The following NRG3 variants were observed in gnomAD, a reference collection of about 807,000 sequenced individuals.
NRG3 encodes neuregulin 3, also known as pro-neuregulin-3, membrane-bound isoform.
In NRG3, 31 loss-of-function variants were observed where a neutral mutation model predicts 66.9. That is an observed-to-expected ratio of 0.46 (90% CI 0.35 to 0.63). The LOEUF (loss-of-function observed/expected upper bound fraction) is 0.63. Ranked by LOEUF, NRG3 falls within the 20% of genes least tolerant of loss-of-function variation. The pLI is 0.00. For missense variants in NRG3, 910 were observed against 878.9 expected (o/e 1.04, Z -0.45); for synonymous variants, 393 against 359.4 (o/e 1.09, Z -1.06).
At chr10:82,091,798 G>A (rs771372440) in intron 1 of NRG3, among the ~76,000 whole-genome samples, 1 of 152,078 alleles carries the variant, frequency 6.6e-6, no homozygotes, top group Non-Finnish European at 1.5e-5. Flanking sequence ...ATTTCTCCAC[G>A]TTCTCACCGA....
chr10:82,986,580 A>G lies in NRG3; in HGVS notation c.*975A>G, dbSNP rs1385773844. The stretch of plus-strand genomic sequence containing the variant: ...CTTTAAATTTTTCCATTAAGTATAA[A>G]GTTCAGTTAGTTCTTAAATCAAGGT... On this transcript the variant is annotated 3_prime_UTR_variant, in exon 9 of 9. Transcript: ENST00000372141. 1 of 152,314 alleles carries G rather than the reference A, an allele frequency of 6.6e-6. No individual in the cohort carries two copies. The highest frequency in any genetic ancestry group is 1.9e-4 in the East Asian group (1 of 5,166). 9.4% of individuals were successfully genotyped at this position (152,314 alleles called of 1,614,324 possible). A position where few individuals can be genotyped will look rare whatever the true frequency, so the allele number is the denominator to read the frequency against.
intron 2 of NRG3, among the ~76,000 whole-genome samples, chr10:82,668,027 A>G (rs2052939498): frequency 6.6e-6 from 1 of 152,168 alleles, no homozygotes; most frequent in South Asian, 2.1e-4. Context: ...CAGTTTTTCA[A>G]TATCAAGGAA....
intron 1 of NRG3, among the ~76,000 whole-genome samples, chr10:82,314,666 C>T (rs1285179934): frequency 2.0e-5 from 3 of 151,868 alleles, no homozygotes; most frequent in African/African-American, 4.8e-5. Context: ...AAAAATTAGC[C>T]GGGCATGGTG....
At chr10:82,422,267 A>T (rs972619741) in intron 2 of NRG3, among the ~76,000 whole-genome samples, 6 of 152,052 alleles carry the variant, frequency 3.9e-5, no homozygotes, top group Non-Finnish European at 7.4e-5. Flanking sequence ...GAAAATGTAG[A>T]GAAAACAGAG....
chr10:82,403,697 A>T (rs1253051652), intron 2 of NRG3, among the ~76,000 whole-genome samples: 1 of 152,200 alleles, frequency 6.6e-6, no homozygotes, highest in East Asian at 1.9e-4. Context: ...AACACTTAAG[A>T]GGGTGCAGAA....
chr10:82,913,238 A>G (rs1220211454), intron 4 of NRG3, among the ~76,000 whole-genome samples: 1 of 152,186 alleles, frequency 6.6e-6, no homozygotes, highest in Admixed American at 6.5e-5. Flanking sequence ...AAAAAAAGAA[A>G]AAAAGTACTT....
intron 1 of NRG3, among the ~76,000 whole-genome samples, chr10:82,333,580 T>G (rs1456657744): frequency 6.6e-6 from 1 of 152,214 alleles, no homozygotes; most frequent in East Asian, 1.9e-4. Context: ...ACTGTATCCA[T>G]AGCTAAAGTT....
intron 1 of NRG3, among the ~76,000 whole-genome samples, chr10:82,155,154 T>C (rs1457787435): frequency 1.3e-5 from 2 of 151,880 alleles, no homozygotes; most frequent in East Asian, 1.9e-4. Flanking sequence ...AACACACAGA[T>C]ATAAATGTTT....
At chr10:82,864,858 T>C (rs1840553092) in intron 3 of NRG3, among the ~76,000 whole-genome samples, 2 of 152,194 alleles carry the variant, frequency 1.3e-5, no homozygotes. Flanking sequence ...GTAAGAGTTT[T>C]AATCTCACTG....
At chr10:82,911,771 T>C (rs1341369083) in intron 4 of NRG3, among the ~76,000 whole-genome samples, 1 of 151,750 alleles carries the variant, frequency 6.6e-6, no homozygotes, top group Non-Finnish European at 1.5e-5. Context: ...ATTATTTCTC[T>C]TCTTCTGATT....
intron 3 of NRG3, among the ~76,000 whole-genome samples, chr10:82,792,146 T>TA (rs1012430637): frequency 1.3e-5 from 2 of 152,060 alleles, no homozygotes; most frequent in Non-Finnish European, 2.9e-5. Flanking sequence ...CTAGAGTTCT[T>TA]AAAAAAAGTT....
At chr10:82,019,236 G>A (rs1177247400) in intron 1 of NRG3, among the ~76,000 whole-genome samples, 7 of 152,096 alleles carry the variant, frequency 4.6e-5, no homozygotes, top group African/African-American at 1.7e-4. Context: ...ACTGGATTAC[G>A]TTTATTAATT....
intron 3 of NRG3, among the ~76,000 whole-genome samples, chr10:82,824,521 T>C (rs142196926): frequency 1.9e-3 from 290 of 152,272 alleles, no homozygotes; most frequent in African/African-American, 6.7e-3. Flanking sequence ...TCTGTGTCCT[T>C]CCCATTACTT....
intron 1 of NRG3, among the ~76,000 whole-genome samples, chr10:82,121,339 A>G (rs1294475151): frequency 3.3e-5 from 5 of 152,264 alleles, no homozygotes; most frequent in African/African-American, 1.2e-4. Flanking sequence ...CACATATTGG[A>G]TCTGCCATTG....
At chr10:82,860,748 A>G (rs1275417735) in intron 3 of NRG3, among the ~76,000 whole-genome samples, 1 of 152,230 alleles carries the variant, frequency 6.6e-6, no homozygotes, top group Non-Finnish European at 1.5e-5. Context: ...GTTCAAACAT[A>G]TGTATGTCAT....
intron 2 of NRG3, among the ~76,000 whole-genome samples, chr10:82,716,451 G>A (rs556064490): frequency 2.0e-5 from 3 of 152,246 alleles, no homozygotes; most frequent in East Asian, 3.9e-4. Flanking sequence ...TAGATCACTT[G>A]TAGCCTTCTC....
chr10:82,931,404 C>CCT (rs1364871324), intron 4 of NRG3, among the ~76,000 whole-genome samples: 1 of 152,142 alleles, frequency 6.6e-6, no homozygotes, highest in East Asian at 1.9e-4. Flanking sequence ...TGGAATCTTG[C>CCT]CTCTACCTTT....
At chr10:82,423,809 T>C (rs1045671639) in intron 2 of NRG3, among the ~76,000 whole-genome samples, 101 of 152,022 alleles carry the variant, frequency 6.6e-4, no homozygotes, top group African/African-American at 2.3e-3. Flanking sequence ...TTAGTCTACA[T>C]TCGCCCATTT....
Position 81,963,125 on chromosome 10 carries a change from C to CTTTTT in NRG3, c.823+86984_823+86988dup, listed in dbSNP as rs777026850. Among the ~76,000 whole-genome samples the CTTTTT allele has an allele frequency of 7.4e-4, 52 of 70,114 alleles. 12 individuals are homozygous for CTTTTT. Among genetic ancestry groups the CTTTTT allele is most frequent in the African/African-American group, 2.8e-3 (44 of 15,652 alleles). The allele number at this position is 70,114 out of a possible 152,430, so 46.0% of individuals were successfully genotyped here. ...GAAAATATGATCTGCCACGAGGGCT[C>CTTTTT]TTTTTTTTTTTTTTTTTTTTTTTTT... On this transcript the variant is annotated intron_variant, in intron 1 of 8. Transcript: ENST00000372141.
Sources: allele counts gnomAD v4.1 joint callset (sites outside exome capture counted in the v4.1 genomes callset), GRCh38; gene constraint gnomAD v4.1.1; transcripts MANE v1.5; gene names NCBI Gene and HGNC (gene_info 2026-07-23, HGNC 2026-07-21).